OCM: variants seen among roughly 807,000 people sequenced by gnomAD.
The protein encoded by OCM is oncomodulin.
Under a neutral mutation model 14.1 loss-of-function variants are expected in OCM, and 18 were observed. That is an observed-to-expected ratio of 1.28 (90% confidence interval 0.88 to 1.89). OCM has a LOEUF of 1.89. OCM is among the 40% of genes most tolerant of loss of function. The pLI, the probability that OCM is intolerant of heterozygous loss-of-function variation, is 0.00. For synonymous variants in OCM, 48 were observed against 51.0 expected (o/e 0.94, Z 0.25); for missense variants, 140 against 137.6 (o/e 1.02, Z -0.09).
intron 1 of OCM, among the ~76,000 whole-genome samples, chr7:5,881,600 A>T (rs561429330): frequency 6.6e-6 from 1 of 151,244 alleles, no homozygotes; most frequent in East Asian, 1.9e-4. Context: ...ACTGCACTCC[A>T]GCTTGGACGA....
Position 5,883,998 on chromosome 7 carries a change from G to A in OCM, c.303G>A (p.Glu101=), listed in dbSNP as rs767990671. 55 of 1,612,280 alleles carry A rather than the reference G, an allele frequency of 3.4e-5. 3 individuals are homozygous for A. The African/African-American group carries it at 5.6e-4, about 16-fold the overall frequency. Residue 101 remains glutamate, a splice_region_variant and synonymous_variant, in exon 3 of 4, where the codon GAG becomes GAA. Transcript: ENST00000242104. ...DNDGDGKIGA[E]EFQEMVHS ...ATGGAGATGGGAAAATTGGAGCAGA[G>A]GGTATGTCCACACGTGTACGTAGCA...
chr7:5,883,260 A>T (rs1167270468), intron 2 of OCM, among the ~76,000 whole-genome samples: 1 of 152,246 alleles, frequency 6.6e-6, no homozygotes, highest in Non-Finnish European at 1.5e-5. Flanking sequence ...CTGAAGCACA[A>T]GAATTGCTTG....
chr7:5,881,651 A>C (rs772870564), intron 1 of OCM, among the ~76,000 whole-genome samples: 2 of 151,862 alleles, frequency 1.3e-5, no homozygotes, highest in Non-Finnish European at 2.9e-5. Context: ...ATAAATAAAT[A>C]AATAAGAGGT....
chr7:5,875,201 C>T (rs1781071835), upstream of OCM, among the ~76,000 whole-genome samples: 2 of 151,946 alleles, frequency 1.3e-5, no homozygotes, highest in South Asian at 4.1e-4. Flanking sequence ...ATTACAGACA[C>T]CCACCACCAT....
the OCM span, among the ~76,000 whole-genome samples, chr7:5,860,057 A>AC: frequency 4.2e-4 from 63 of 150,188 alleles, no homozygotes; most frequent in Non-Finnish European, 5.9e-4. Context: ...ATACAAGGAG[A>AC]CCCCCCCCAC....
rs60321561 is a variant in OCM, at chr7:5,882,085, C to CAAAA, written c.62-377_62-374dup. Among the ~76,000 whole-genome samples, 44 of 45,970 alleles carry CAAAA rather than the reference C, an allele frequency of 9.6e-4. 1 individual carries two copies. The highest frequency in any genetic ancestry group is 5.9e-3 in the East Asian group (6 of 1,010). 30.2% of individuals were successfully genotyped at this position (45,970 alleles called of 152,430 possible). On this transcript the variant is annotated intron_variant, in intron 1 of 3. Transcript: ENST00000242104. The stretch of plus-strand genomic sequence containing the variant: ...CTGGTGACAGAGTGAGACTCTGTCT[C>CAAAA]AAAAAAAAAAAAAAAAAAAAAAAAA...
At position 5,882,533 on chromosome 7, in the gene OCM, A is replaced by T; in HGVS notation, c.102A>T (p.Ser34=). The T allele has an allele frequency of 6.2e-7, 1 of 1,614,184 alleles. No individual in the cohort carries two copies. Among genetic ancestry groups the T allele is most frequent in the Non-Finnish European group, 8.5e-7 (1 of 1,180,008 alleles). ...AACCCCAAAAATTCTTCCAGACATC[A>T]GGCCTCTCCAAGATGTCAGCCAATC... The part of the protein sequence containing the change: ...TFEPQKFFQT[S]GLSKMSANQV... The change falls in exon 2 of 4, where the codon TCA becomes TCT. Residue 34 remains serine, a synonymous_variant. Coordinates refer to ENST00000242104, the MANE Select transcript of OCM (RefSeq NM_001097622.2).
the OCM span, among the ~76,000 whole-genome samples, chr7:5,861,133 C>T: frequency 6.6e-6 from 1 of 152,016 alleles, no homozygotes; most frequent in Admixed American, 6.6e-5. Flanking sequence ...AATCCCAGTT[C>T]TGGCCGAGTG....
chr7:5,877,012 G>A (rs1336427166), upstream of OCM, among the ~76,000 whole-genome samples: 2 of 151,966 alleles, frequency 1.3e-5, no homozygotes, highest in Non-Finnish European at 2.9e-5. Context: ...CTCCACGTGG[G>A]TCAGGCTGGT....
At chr7:5,885,613 C>CTT (rs917292765) in intron 3 of OCM, among the ~76,000 whole-genome samples, 13 of 138,346 alleles carry the variant, frequency 9.4e-5, no homozygotes, top group African/African-American at 1.6e-4. Context: ...TCTTTCTTTC[C>CTT]TTTTTTTTTT....
At chr7:5,859,951 G>C in the OCM span, among the ~76,000 whole-genome samples, 1 of 152,108 alleles carries the variant, frequency 6.6e-6, no homozygotes, top group Non-Finnish European at 1.5e-5. Context: ...GCCTCTCAAA[G>C]TGCTGGGATT....
At chr7:5,881,749 T>A (rs1476850632) in intron 1 of OCM, among the ~76,000 whole-genome samples, 1 of 152,092 alleles carries the variant, frequency 6.6e-6, no homozygotes. Context: ...AGCACACGAT[T>A]ACACATCTGT....
chr7:5,884,193 C>T (rs147214781), intron 3 of OCM, among the ~76,000 whole-genome samples, 194 bp downstream of exon 3: 228 of 152,212 alleles, frequency 1.5e-3, no homozygotes, highest in Admixed American at 2.8e-3. Flanking sequence ...GCATAATGCT[C>T]GGTAGGTACT....
chr7:5,875,121 C>T (rs1385427924), upstream of OCM, among the ~76,000 whole-genome samples: 1 of 149,476 alleles, frequency 6.7e-6, no homozygotes, highest in Non-Finnish European at 1.5e-5. Context: ...GTGGCACAAA[C>T]TTGGCTCACT....
At chr7:5,879,407 G>A (rs904200756), upstream of OCM, among the ~76,000 whole-genome samples, 11 of 152,082 alleles carry the variant, frequency 7.2e-5, no homozygotes, top group Admixed American at 1.3e-4. Context: ...CTCCTGTGCC[G>A]GGTGAGACCT....
At chr7:5,884,536 G>C (rs145984305) in intron 3 of OCM, among the ~76,000 whole-genome samples, 1 of 152,076 alleles carries the variant, frequency 6.6e-6, no homozygotes, top group Non-Finnish European at 1.5e-5. Flanking sequence ...TCCATAGGCC[G>C]AATCCTAGGT....
At chr7:5,885,113 T>A (rs1781305299) in intron 3 of OCM, among the ~76,000 whole-genome samples, 1 of 82,480 alleles carries the variant, frequency 1.2e-5, no homozygotes. Context: ...AGAGTGAAAC[T>A]CTATCTCAAA....
At chr7:5,881,745 C>T (rs534524388) in intron 1 of OCM, among the ~76,000 whole-genome samples, 3 of 151,940 alleles carry the variant, frequency 2.0e-5, no homozygotes, top group Non-Finnish European at 4.4e-5. Context: ...TCTGAGCACA[C>T]GATTACACAT....
the OCM span, among the ~76,000 whole-genome samples, chr7:5,870,084 G>A: frequency 2.0e-4 from 31 of 151,940 alleles, no homozygotes; most frequent in Non-Finnish European, 3.7e-4. Flanking sequence ...GCTGACATTT[G>A]CAGAATCATT....
Sources: gnomAD v4.1 joint callset for allele counts (sites outside exome capture counted in the v4.1 genomes callset) on GRCh38, gnomAD v4.1.1 for gene constraint, MANE v1.5 for transcripts, NCBI Gene and HGNC (gene_info 2026-07-23, HGNC 2026-07-21) for gene names.